VPS13C: variants seen among roughly 807,000 people sequenced by gnomAD.
VPS13C encodes intermembrane lipid transfer protein VPS13C.
In VPS13C, 358 loss-of-function variants were observed where a neutral mutation model predicts 456.8. The observed-to-expected ratio is 0.78, with a 90% confidence interval of 0.72 to 0.86. The LOEUF is 0.86. Among genes scored for constraint, VPS13C ranks in the 40% least tolerant of loss-of-function variants. The pLI is 0.00. For missense variants in VPS13C, 4,818 were observed against 4,385.4 expected (o/e 1.10, Z -2.79); for synonymous variants, 1,578 against 1,486.7 (o/e 1.06, Z -1.41).
At chr15:61,905,753 T>G (rs1825356169) in intron 66 of VPS13C, among the ~76,000 whole-genome samples, 2 of 152,166 alleles carry the variant, frequency 1.3e-5, no homozygotes, top group African/African-American at 4.8e-5. Context: ...TGAGTTCTAC[T>G]AATTGATAGC....
In VPS13C at chr15:61,970,533, TG is replaced by T. The variant is rs527486060; in HGVS notation, c.2758-1082del. Reference sequence around the variant, plus strand: ...AGAAGAGGCCAAGTGCGGTGGCTCATGCCTGTAATCCCAGCACTTTGGGAGG... The same window carrying T: ...AGAAGAGGCCAAGTGCGGTGGCTCATCCTGTAATCCCAGCACTTTGGGAGG... On this transcript the variant is annotated intron_variant, in intron 27 of 84. Coordinates refer to ENST00000644861, the MANE Select transcript of VPS13C (RefSeq NM_020821.3). Among the ~76,000 whole-genome samples, 7 of 152,188 alleles carry T rather than the reference TG, an allele frequency of 4.6e-5. No homozygotes were observed. The East Asian group carries it at 1.4e-3, about 29-fold the overall frequency.
intron 35 of VPS13C, among the ~76,000 whole-genome samples, chr15:61,960,843 A>T (rs1298050222): frequency 2.0e-5 from 3 of 152,230 alleles, no homozygotes; most frequent in Admixed American, 2.0e-4. Flanking sequence ...TGGGAGGCCA[A>T]GATGGGCAGA....
At chr15:61,985,146 G>A (rs2046005718) in intron 18 of VPS13C, 147 bp from the exon 19 acceptor site, 7 of 566,700 alleles carry the variant, frequency 1.2e-5, no homozygotes, top group Non-Finnish European at 1.9e-5. Flanking sequence ...CACCATAAAG[G>A]AAAAATTCTT....
intron 29 of VPS13C, among the ~76,000 whole-genome samples, chr15:61,966,786 C>T (rs2045388943): frequency 1.3e-5 from 2 of 151,880 alleles, no homozygotes; most frequent in Non-Finnish European, 1.5e-5. Flanking sequence ...GTGTTATCTC[C>T]CTACTCGTCT....
At chr15:61,960,242 C>T (rs1215083991) in intron 35 of VPS13C, among the ~76,000 whole-genome samples, 3 of 152,032 alleles carry the variant, frequency 2.0e-5, no homozygotes, top group Non-Finnish European at 2.9e-5. Flanking sequence ...TGAGTGGAAC[C>T]GGACTGTAGT....
intron 66 of VPS13C, among the ~76,000 whole-genome samples, chr15:61,901,604 A>G (rs1280606527): frequency 6.6e-6 from 1 of 152,170 alleles, no homozygotes; most frequent in African/African-American, 2.4e-5. Flanking sequence ...TTAAAAAGTC[A>G]GGAAACAACA....
At chr15:61,915,582 T>C (rs191961357) in intron 61 of VPS13C, 51 bp downstream of exon 61, 1 of 1,502,576 alleles carries the variant, frequency 6.7e-7, no homozygotes, top group African/African-American at 1.4e-5. Context: ...CTCCCAAGTT[T>C]CTAGATTAGG....
intron 59 of VPS13C, 91 bp downstream of exon 59, chr15:61,918,045 T>G: frequency 7.4e-7 from 1 of 1,345,078 alleles, no homozygotes; most frequent in Non-Finnish European, 1.0e-6. Flanking sequence ...CTTTTACTGA[T>G]CTTTAGTTAA....
intron 74 of VPS13C, 111 bp downstream of exon 74, chr15:61,878,496 T>G (rs1895619844): frequency 7.3e-7 from 1 of 1,373,930 alleles, no homozygotes; most frequent in Non-Finnish European, 9.8e-7. Context: ...CAAATATAAG[T>G]AGTAAAGTTA....
intron 83 of VPS13C, among the ~76,000 whole-genome samples, chr15:61,855,428 T>C (rs1893851101): frequency 6.6e-6 from 1 of 152,174 alleles, no homozygotes; most frequent in South Asian, 2.1e-4. Flanking sequence ...ATTTCATACA[T>C]CAAAACATTC....
At chr15:61,896,058 T>C (rs2042800814) in intron 66 of VPS13C, among the ~76,000 whole-genome samples, 1 of 152,140 alleles carries the variant, frequency 6.6e-6, no homozygotes, top group Non-Finnish European at 1.5e-5. Flanking sequence ...CACAATATCA[T>C]AAGTACGTAC....
At chr15:61,970,622 C>T (rs982341325) in intron 27 of VPS13C, among the ~76,000 whole-genome samples, 2 of 151,932 alleles carry the variant, frequency 1.3e-5, no homozygotes, top group African/African-American at 4.8e-5. Context: ...ATAGTAAAAC[C>T]GAATCTCCAC....
chr15:61,873,368 C>T lies in VPS13C; in HGVS notation c.10456G>A (p.Gly3486Arg). The change falls in exon 78 of 85, where the codon GGG becomes AGG. Residue 3486 changes from glycine to arginine, a missense_variant. This residue lies in a region of VPS13C where 4,552 missense variants were observed against 4,130.6 expected (regional missense o/e 1.10). Coordinates refer to ENST00000644861, the MANE Select transcript of VPS13C (RefSeq NM_020821.3). ...GVVSRITGSV[G>R]KGLAAITMDK... ...ATTGTAATTGCTGCCAAACCTTTCC[C>T]AACAGAACCGGTGATTCGAGATACA... The T allele has an allele frequency of 6.2e-7, 1 of 1,613,662 alleles. No homozygotes were observed. The highest frequency in any genetic ancestry group is 8.5e-7 in the Non-Finnish European group (1 of 1,179,754).
At chr15:61,903,431 T>G (rs1039715882) in intron 66 of VPS13C, among the ~76,000 whole-genome samples, 4 of 149,388 alleles carry the variant, frequency 2.7e-5, no homozygotes, top group African/African-American at 9.9e-5. Flanking sequence ...CTACAAAAAA[T>G]ATATAAAATA....
Position 61,929,398 on chromosome 15 carries a change from A to T in VPS13C, c.6286+103T>A. 4 of 1,415,642 alleles carry T rather than the reference A, an allele frequency of 2.8e-6. No homozygotes were observed. The South Asian group carries it at 5.9e-5, about 21-fold the overall frequency. 87.7% of individuals were successfully genotyped at this position (1,415,642 alleles called of 1,614,324 possible). On this transcript the variant is annotated intron_variant, in intron 51 of 84. Coordinates refer to ENST00000644861, the MANE Select transcript of VPS13C (RefSeq NM_020821.3). The stretch of plus-strand genomic sequence containing the variant: ...TATATAGAATATGTTTAAATATAAA[A>T]GACTAATTTTACGTTCTTAAATTTT...
chr15:62,060,396 G>A lies in VPS13C; in HGVS notation c.-22C>T, dbSNP rs1406365309. 2.1e-6 allele frequency: 3 copies of A among 1,431,396 alleles called. No homozygotes were observed. Among genetic ancestry groups the A allele is most frequent in the Non-Finnish European group, 2.9e-6 (3 of 1,037,114 alleles). The allele number at this position is 1,431,396 out of a possible 1,614,324, so 88.7% of individuals were successfully genotyped here. ...CCATGGTGGCGCTGAGGCACAAGGA[G>A]AGGGAGGAGCCGGAACCGCCCGGCG... On this transcript the variant is annotated 5_prime_UTR_variant, in exon 1 of 85. Coordinates refer to ENST00000644861, the MANE Select transcript of VPS13C (RefSeq NM_020821.3).
chr15:62,031,709 A>G (rs1412878337), intron 5 of VPS13C, among the ~76,000 whole-genome samples: 3 of 151,972 alleles, frequency 2.0e-5, no homozygotes, highest in Non-Finnish European at 4.4e-5. Flanking sequence ...TCATTACCAT[A>G]TACAGCATAG....
chr15:61,990,676 T>G (rs2046197334), intron 18 of VPS13C, among the ~76,000 whole-genome samples: 1 of 152,034 alleles, frequency 6.6e-6, no homozygotes, highest in African/African-American at 2.4e-5. Context: ...CCAGGCAGGG[T>G]GGCAGGTGCC....
chr15:61,911,721 CTGTCA>C, intron 63 of VPS13C, 114 bp downstream of exon 63: 1 of 1,018,748 alleles, frequency 9.8e-7, no homozygotes, highest in Non-Finnish European at 1.3e-6. Context: ...TCAAAGCTGG[CTGTCA>C]TATTTCAACA....
Sources: gnomAD v4.1 joint callset for allele counts (sites outside exome capture counted in the v4.1 genomes callset) on GRCh38, gnomAD v4.1.1 for gene constraint, gnomAD v4.1.1 regional missense constraint, MANE v1.5 for transcripts, NCBI Gene and HGNC (gene_info 2026-07-23, HGNC 2026-07-21) for gene names.